Variants in DDX39A observed in about 807,000 individuals in gnomAD.
The protein encoded by DDX39A is DExD-box helicase 39A, also known as ATP-dependent RNA helicase DDX39A.
In DDX39A, 13 loss-of-function variants were observed where a neutral mutation model predicts 46.3. That is an observed-to-expected ratio of 0.28 (90% confidence interval 0.18 to 0.45). The LOEUF is 0.45. DDX39A is among the 20% of genes least tolerant of loss of function. The pLI, the probability that DDX39A is intolerant of heterozygous loss-of-function variation, is 1.00. For synonymous variants in DDX39A, 234 were observed against 224.6 expected, an observed-to-expected ratio of 1.04 and a Z score of -0.38; for missense variants, 352 against 581.8, an observed-to-expected ratio of 0.61 and a Z score of 4.06.
At position 14,410,017 on chromosome 19, in the gene DDX39A, G is replaced by C; in HGVS notation, c.733-144C>G. 3 of 1,186,616 alleles carry C rather than the reference G, an allele frequency of 2.5e-6. No homozygotes were observed. Among genetic ancestry groups the C allele is most frequent in the Non-Finnish European group, 3.7e-6 (3 of 806,522 alleles). 73.5% of individuals were successfully genotyped at this position (1,186,616 alleles called of 1,614,324 possible). A position where few individuals can be genotyped will look rare whatever the true frequency, so the allele number is the denominator to read the frequency against. ...AGACCTCAGTAAACATCGCTCAAAA[G>C]CTGGATGTAAGCTCTGGCCCGACTC... On this transcript the variant is annotated intron_variant, in intron 6 of 10. Coordinates refer to ENST00000242776, the MANE Select transcript of DDX39A (RefSeq NM_005804.4). The surrounding 1 kb of genome is among the most constrained non-coding windows in gnomAD (Gnocchi z 4.3).
rs1449753991 is a variant in DDX39A at position 14,409,618 on chromosome 19, G to A, written c.892C>T (p.Arg298Cys). Reference protein sequence around the residue: ...QVIIFVKSVQRCMALAQLLVE... With the variant: ...QVIIFVKSVQCCMALAQLLVE... ...AGGAGCTGGGCCAGGGCCATGCAGC[G>A]CTGCACTGACTTGACGAAGATTATC... Residue 298 changes from arginine (R) to cysteine (C), a missense_variant, in exon 8 of 11, where the codon CGC (arginine) becomes TGC (cysteine). Around this residue, in one of 3 missense-constraint regions of DDX39A, gnomAD observed 301 missense variants for 469.9 expected, o/e 0.64. Coordinates refer to ENST00000242776, the MANE Select transcript of DDX39A (RefSeq NM_005804.4). This position sits in a 1 kb window ranked among gnomAD's most constrained non-coding sequence, Gnocchi z 8.3. The A allele has an allele frequency of 6.2e-7, 1 of 1,611,534 alleles. No homozygotes were observed. The highest frequency in any genetic ancestry group is 8.5e-7 in the Non-Finnish European group (1 of 1,178,852).
intron 1 of DDX39A, among the ~76,000 whole-genome samples, chr19:14,415,392 C>G (rs998524612): frequency 2.6e-5 from 4 of 151,942 alleles, no homozygotes; most frequent in African/African-American, 9.7e-5. Flanking sequence ...CTCTGCCTCC[C>G]GGGCTCAATC....
Position 14,410,118 on chromosome 19 carries a change from C to T in DDX39A, c.732+98G>A. On this transcript the variant is annotated intron_variant, in intron 6 of 10. Transcript: ENST00000242776. The surrounding 1 kb of genome is among the most constrained non-coding windows in gnomAD (Gnocchi z 4.3). ...GGAGGCTCCGCCGGCTCCCAGCATC[C>T]CAGCATCCTCCGTGCCATGTGGGCC... 1 of 1,205,476 alleles carries T rather than the reference C, an allele frequency of 8.3e-7. No homozygotes were observed. The highest frequency in any genetic ancestry group is 1.2e-5 in the South Asian group (1 of 82,128). The allele number at this position is 1,205,476 out of a possible 1,614,324, so 74.7% of individuals were successfully genotyped here.
In DDX39A at chr19:14,412,462, G is replaced by C; in HGVS notation, c.336+89C>G. ...TCCAGCCTCAGCTTCCCAAAGCACTGGGCTAACAGGTGTGAGCCACCCCAT... is the reference window on the plus strand; with the variant it reads ...TCCAGCCTCAGCTTCCCAAAGCACTCGGCTAACAGGTGTGAGCCACCCCAT... On this transcript the variant is annotated intron_variant, in intron 3 of 10. Coordinates refer to ENST00000242776, the MANE Select transcript of DDX39A (RefSeq NM_005804.4). This position sits in a 1 kb window ranked among gnomAD's most constrained non-coding sequence, Gnocchi z 4.4. 1 of 1,507,714 alleles carries C rather than the reference G, an allele frequency of 6.6e-7. No individual in the cohort carries two copies. The highest frequency in any genetic ancestry group is 8.9e-7 in the Non-Finnish European group (1 of 1,122,994). The allele number at this position is 1,507,714 out of a possible 1,614,324, so 93.4% of individuals were successfully genotyped here.
rs890064926 is a variant in DDX39A at position 14,410,558 on chromosome 19, G to A, written c.614-224C>T. The A allele has an allele frequency of 1.8e-5, 10 of 569,240 alleles. No individual in the cohort carries two copies. The highest frequency in any genetic ancestry group is 8.9e-5 in the Admixed American group (3 of 33,520). 35.3% of individuals were successfully genotyped at this position (569,240 alleles called of 1,614,324 possible). ...CTGCAATCCACTTACACGCTGGCGC[G>A]GAGCAGCCGTGCCCGTGCGCCTCGA... On this transcript the variant is annotated intron_variant, in intron 5 of 10. Coordinates refer to ENST00000242776, the MANE Select transcript of DDX39A (RefSeq NM_005804.4). This position sits in a 1 kb window ranked among gnomAD's most constrained non-coding sequence, Gnocchi z 4.3.
rs1465448832 is a variant in DDX39A at position 14,409,647 on chromosome 19, T to G, written c.865-2A>C. ...CACTGACTTGACGAAGATTATCACC[T>G]GAGGGAAGGAGTGGCAGTCAGGGCC... is the stretch of plus-strand genomic sequence containing the variant. On this transcript the variant is annotated splice_acceptor_variant, in intron 7 of 10. Transcript: ENST00000242776. LOFTEE classifies it high-confidence loss of function. The surrounding 1 kb of genome is among the most constrained non-coding windows in gnomAD (Gnocchi z 8.3). 6.2e-7 allele frequency: 1 copy of G among 1,608,958 alleles called. No individual in the cohort carries two copies.
In DDX39A at chr19:14,411,179, G is replaced by A. The variant is rs766299794; in HGVS notation, c.430-7C>T. The A allele has an allele frequency of 6.4e-7, 1 of 1,566,288 alleles. No individual in the cohort carries two copies. The highest frequency in any genetic ancestry group is 1.9e-5 in the Admixed American group (1 of 52,120). ...CACCGAAGAACACAGACACCTATGG[G>A]GATGAGGAGGAAACCGCTCCATGCT... On this transcript the variant is annotated splice_polypyrimidine_tract_variant and splice_region_variant and intron_variant, in intron 4 of 10. Transcript: ENST00000242776. The surrounding 1 kb of genome is among the most constrained non-coding windows in gnomAD (Gnocchi z 4.1).
At position 14,409,678 on chromosome 19, in the gene DDX39A, G is replaced by T; in HGVS notation, c.865-33C>A. The T allele has an allele frequency of 6.2e-7, 1 of 1,610,694 alleles. No individual in the cohort carries two copies. Among genetic ancestry groups the T allele is most frequent in the South Asian group, 1.1e-5 (1 of 90,912 alleles). On this transcript the variant is annotated intron_variant, in intron 7 of 10. Coordinates refer to ENST00000242776, the MANE Select transcript of DDX39A (RefSeq NM_005804.4). The surrounding 1 kb of genome is among the most constrained non-coding windows in gnomAD (Gnocchi z 8.3). ...AAGGAGTGGCAGTCAGGGCCACACA[G>T]TCCCTGTGGCCCAGTGACCTCCCGA...
chr19:14,412,712 C>T lies in DDX39A; in HGVS notation c.209-34G>A, dbSNP rs1433835126. Reference sequence around the variant, plus strand: ...GAAGCAGAGCGTGAGGGACGAGAACCTGGATGCACCCCCGTGCAGGATCCT... The same window carrying T: ...GAAGCAGAGCGTGAGGGACGAGAACTTGGATGCACCCCCGTGCAGGATCCT... On this transcript the variant is annotated intron_variant, in intron 2 of 10. Transcript: ENST00000242776. This position sits in a 1 kb window ranked among gnomAD's most constrained non-coding sequence, Gnocchi z 4.4. 4.4e-6 allele frequency: 7 copies of T among 1,579,532 alleles called. No individual in the cohort carries two copies. In the East Asian group the frequency reaches 1.6e-4, roughly 35 times the overall value.
intron 1 of DDX39A, among the ~76,000 whole-genome samples, chr19:14,417,608 C>T (rs1277716699): frequency 6.6e-6 from 1 of 152,114 alleles, no homozygotes; most frequent in Non-Finnish European, 1.5e-5. Flanking sequence ...ACGTTGTGCA[C>T]ATGTACCCTA....
At position 14,419,283 on chromosome 19, in the gene DDX39A, C is replaced by A; in HGVS notation, c.-18G>T. The A allele has an allele frequency of 3.7e-6, 1 of 273,774 alleles. No homozygotes were observed. The highest frequency in any genetic ancestry group is 7.3e-6 in the Non-Finnish European group (1 of 136,902). 17.0% of individuals were successfully genotyped at this position (273,774 alleles called of 1,614,324 possible). ...TCCGCTGCTCACCTGGCTCCCCGTT[C>A]TTCTCCGCGCGCTGCTAAGAGACAC... On this transcript the variant is annotated 5_prime_UTR_variant, in exon 1 of 11. Coordinates refer to ENST00000242776, the MANE Select transcript of DDX39A (RefSeq NM_005804.4).
Position 14,411,011 on chromosome 19 carries a change from ACACTCGTCCAG to A in DDX39A, c.580_590del (p.Leu194Ter). The A allele has an allele frequency of 6.3e-7, 1 of 1,588,096 alleles. No homozygotes were observed. Among genetic ancestry groups the A allele is most frequent in the Non-Finnish European group, 8.6e-7 (1 of 1,166,052 alleles). On this transcript the variant is annotated frameshift_variant, in exon 5 of 11. Coordinates refer to ENST00000242776, the MANE Select transcript of DDX39A (RefSeq NM_005804.4). LOFTEE classifies it high-confidence loss of function. The surrounding 1 kb of genome is among the most constrained non-coding windows in gnomAD (Gnocchi z 4.1). ...CACCCAGCTGCTCCAGCATCTTGTCACACTCGTCCAGCACAAAGTGCTTCACATTCTTTAGG... is the reference window on the plus strand; with the variant it reads ...CACCCAGCTGCTCCAGCATCTTGTCACACAAAGTGCTTCACATTCTTTAGG...
rs1356406748 is a variant in DDX39A at position 14,410,955 on chromosome 19, C to T, written c.613+34G>A. ...GCTATGGGGCCCGCCTAGTCACTGA[C>T]TCTCAGCTGGGGCTGCAAGGGCAGA... On this transcript the variant is annotated intron_variant, in intron 5 of 10. Transcript: ENST00000242776. The surrounding 1 kb of genome is among the most constrained non-coding windows in gnomAD (Gnocchi z 4.3). The T allele has an allele frequency of 6.6e-7, 1 of 1,511,832 alleles. No homozygotes were observed. Among genetic ancestry groups the T allele is most frequent in the Non-Finnish European group, 8.9e-7 (1 of 1,126,632 alleles). The allele number at this position is 1,511,832 out of a possible 1,614,324, so 93.7% of individuals were successfully genotyped here.
intron 1 of DDX39A, among the ~76,000 whole-genome samples, chr19:14,417,497 AG>A (rs1311994428): frequency 2.6e-5 from 2 of 78,376 alleles, no homozygotes; most frequent in African/African-American, 1.0e-4. Flanking sequence ...GGGTGGGGGG[AG>A]GGGGGAGGGA....
Sources: gnomAD v4.1 joint callset for allele counts (sites outside exome capture counted in the v4.1 genomes callset) on GRCh38, gnomAD v4.1.1 for gene constraint, gnomAD v4.1.1 regional missense constraint, Gnocchi (gnomAD v3.1) non-coding constraint, MANE v1.5 for transcripts, NCBI Gene and HGNC (gene_info 2026-07-23, HGNC 2026-07-21) for gene names.